RIMS2: variants seen among roughly 807,000 people sequenced by gnomAD.
RIMS2 encodes the protein regulating synaptic membrane exocytosis protein 2.
In RIMS2, 59 loss-of-function variants were observed where a neutral mutation model predicts 174.4. That is an observed-to-expected ratio of 0.34 (90% confidence interval 0.27 to 0.42). RIMS2 has a LOEUF of 0.42. RIMS2 is among the 10% of genes least tolerant of loss of function. RIMS2 has a pLI of 1.00. For synonymous variants in RIMS2, 606 were observed against 572.5 expected (o/e 1.06, Z -0.84); for missense variants, 1,620 against 1,666.3 (o/e 0.97, Z 0.48).
intron 19 of RIMS2, among the ~76,000 whole-genome samples, chr8:104,057,315 G>T (rs975652894): frequency 6.6e-6 from 1 of 151,664 alleles, no homozygotes. Flanking sequence ...CAGTCCTCCC[G>T]CCTCAGCCTC....
chr8:104,074,622 G>A (rs141864097), intron 19 of RIMS2, among the ~76,000 whole-genome samples: 1,576 of 152,004 alleles, frequency 0.01, 30 homozygotes, highest in African/African-American at 0.035. Context: ...GATTCAAGTA[G>A]CACAAATCTA....
At chr8:103,687,802 T>TCCTCTG (rs2096960885) in intron 1 of RIMS2, among the ~76,000 whole-genome samples, 1 of 152,152 alleles carries the variant, frequency 6.6e-6, no homozygotes, top group Non-Finnish European at 1.5e-5. Context: ...TAACATAATG[T>TCCTCTG]CCTCTGAGTT....
At chr8:103,623,677 G>C (rs562304254) in intron 1 of RIMS2, among the ~76,000 whole-genome samples, 4 of 151,606 alleles carry the variant, frequency 2.6e-5, no homozygotes, top group African/African-American at 7.3e-5. Context: ...TTTTAGTAGA[G>C]ACGGGGTTTC....
At chr8:103,718,320 T>TG (rs2097399834) in intron 2 of RIMS2, among the ~76,000 whole-genome samples, 1 of 152,222 alleles carries the variant, frequency 6.6e-6, no homozygotes, top group Non-Finnish European at 1.5e-5. Context: ...GGACAGTTGT[T>TG]GCTGTATATT....
chr8:103,556,068 G>A (rs1173668195), intron 1 of RIMS2, among the ~76,000 whole-genome samples: 1 of 151,866 alleles, frequency 6.6e-6, no homozygotes, highest in Non-Finnish European at 1.5e-5. Flanking sequence ...TTTGTGAGAT[G>A]GTGAAAAGAC....
In RIMS2 at chr8:103,841,250, A is replaced by G. The variant is rs144726886; in HGVS notation, c.699-44048A>G. Among the ~76,000 whole-genome samples, 1,022 of 152,294 alleles carry G rather than the reference A, an allele frequency of 6.7e-3. 6 individuals are homozygous for G. Among genetic ancestry groups the G allele is most frequent in the Non-Finnish European group, 0.01 (683 of 68,018 alleles). ...GGAAATTAATTCCTTTTTGACTTTTATATCCAGAAATAATAAATGCCAAGT... is the reference window on the plus strand; with the variant it reads ...GGAAATTAATTCCTTTTTGACTTTTGTATCCAGAAATAATAAATGCCAAGT... On this transcript the variant is annotated intron_variant, in intron 3 of 23. Transcript: ENST00000504942.
chr8:103,703,319 C>A (rs530911955), intron 2 of RIMS2, among the ~76,000 whole-genome samples: 1 of 152,204 alleles, frequency 6.6e-6, no homozygotes, highest in East Asian at 1.9e-4. Context: ...CTCACTGCAG[C>A]CTCTACCTCG....
intron 3 of RIMS2, among the ~76,000 whole-genome samples, chr8:103,847,763 AT>A (rs2098975382): frequency 6.6e-6 from 1 of 152,008 alleles, no homozygotes. Context: ...GGGGTCTGTG[AT>A]TGACAGATGA....
At chr8:103,613,563 G>T (rs960410546) in intron 1 of RIMS2, among the ~76,000 whole-genome samples, 1 of 152,168 alleles carries the variant, frequency 6.6e-6, no homozygotes, top group Non-Finnish European at 1.5e-5. Flanking sequence ...GCCTGGACTG[G>T]TACCTAAGAT....
chr8:103,968,994 G>A, intron 15 of RIMS2, among the ~76,000 whole-genome samples: 1 of 151,944 alleles, frequency 6.6e-6, no homozygotes, highest in East Asian at 1.9e-4. Context: ...ATTCTAGGTT[G>A]GTGGTTTTTT....
At chr8:104,079,383 A>G (rs1020632714) in intron 19 of RIMS2, among the ~76,000 whole-genome samples, 4 of 151,730 alleles carry the variant, frequency 2.6e-5, no homozygotes, top group African/African-American at 9.7e-5. Context: ...TAATAAACAT[A>G]TGACTTCATC....
At chr8:104,124,511 G>A (rs985920476) in intron 19 of RIMS2, among the ~76,000 whole-genome samples, 4 of 151,956 alleles carry the variant, frequency 2.6e-5, no homozygotes, top group Admixed American at 6.6e-5. Context: ...CAATAGAATC[G>A]CCAGAGAAAT....
intron 1 of RIMS2, chr8:103,652,685 CA>C: frequency 1.5e-6 from 2 of 1,350,420 alleles, no homozygotes; most frequent in Non-Finnish European, 2.0e-6. Context: ...CCAGCAAAAA[CA>C]ACAAAATGAA....
chr8:103,552,736 A>G (rs1194311851), intron 1 of RIMS2, among the ~76,000 whole-genome samples: 1 of 152,252 alleles, frequency 6.6e-6, no homozygotes, highest in African/African-American at 2.4e-5. Context: ...AAAGAACTTA[A>G]ACAAGTTTAC....
chr8:103,906,409 C>A (rs2074417927), intron 4 of RIMS2, among the ~76,000 whole-genome samples: 1 of 151,974 alleles, frequency 6.6e-6, no homozygotes, highest in Non-Finnish European at 1.5e-5. Context: ...CCATGCCCAG[C>A]TAGTTTTCGT....
At chr8:103,508,186 A>G (rs1387621201) in intron 1 of RIMS2, among the ~76,000 whole-genome samples, 1 of 152,056 alleles carries the variant, frequency 6.6e-6, no homozygotes, top group Non-Finnish European at 1.5e-5. Context: ...AGTTGAAATA[A>G]TTTTAACCAT....
At chr8:103,891,882 C>T (rs181357845) in intron 4 of RIMS2, among the ~76,000 whole-genome samples, 36 of 152,024 alleles carry the variant, frequency 2.4e-4, no homozygotes, top group Admixed American at 6.6e-5. Context: ...CAGATAGAAG[C>T]GTTATCCTTT....
intron 19 of RIMS2, chr8:104,094,435 G>C (rs1420812794): frequency 1.8e-6 from 1 of 568,648 alleles, no homozygotes; most frequent in Non-Finnish European, 3.1e-6. Flanking sequence ...TTCTTTTTTT[G>C]TGTGTTTATT....
At chr8:103,726,299 T>C (rs2097526950) in intron 2 of RIMS2, among the ~76,000 whole-genome samples, 1 of 152,194 alleles carries the variant, frequency 6.6e-6, no homozygotes, top group East Asian at 1.9e-4. Flanking sequence ...GGAGCATCTG[T>C]TAAGGATTGA....
Sources: allele counts gnomAD v4.1 joint callset (sites outside exome capture counted in the v4.1 genomes callset), GRCh38; gene constraint gnomAD v4.1.1; transcripts MANE v1.5; gene names NCBI Gene and HGNC (gene_info 2026-07-23, HGNC 2026-07-21).